The following PDZRN3 variants were observed in gnomAD, a reference collection of about 807,000 sequenced individuals.
The protein encoded by PDZRN3 is PDZ domain containing ring finger 3.
Under a neutral mutation model 85.7 loss-of-function variants are expected in PDZRN3, and 38 were observed. The ratio of observed to expected loss-of-function variants is 0.44; its 90% CI spans 0.34 to 0.58. The LOEUF is 0.58. PDZRN3 is among the 20% of genes least tolerant of loss of function. PDZRN3 has a pLI of 0.01. For missense variants in PDZRN3, 1,629 were observed against 1,506.4 expected, an observed-to-expected ratio of 1.08 and a Z score of -1.35; for synonymous variants, 759 against 638.0, an observed-to-expected ratio of 1.19 and a Z score of -2.86.
chr3:73,409,541 G>C (rs143710450), intron 3 of PDZRN3, among the ~76,000 whole-genome samples: 1 of 152,260 alleles, frequency 6.6e-6, no homozygotes, highest in African/African-American at 2.4e-5. Context: ...AGTTCTTGGA[G>C]GAAAAATGAA....
intron 1 of PDZRN3, chr3:73,623,752 C>G: frequency 9.7e-6 from 2 of 206,086 alleles, no homozygotes; most frequent in Non-Finnish European, 1.9e-5. Context: ...CCCGAGATCC[C>G]CTAGCTGGTC....
At chr3:73,522,915 C>A (rs529698672) in intron 3 of PDZRN3, among the ~76,000 whole-genome samples, 1 of 152,242 alleles carries the variant, frequency 6.6e-6, no homozygotes, top group South Asian at 2.1e-4. Context: ...TCACTCAAAC[C>A]TCAATGATGT....
chr3:73,516,077 C>A (rs1231935676), intron 3 of PDZRN3, among the ~76,000 whole-genome samples: 3 of 152,106 alleles, frequency 2.0e-5, no homozygotes, highest in African/African-American at 7.2e-5. Context: ...GGCTTCCTGC[C>A]GTATAGATGT....
At chr3:73,506,101 C>T (rs1704065739) in intron 3 of PDZRN3, among the ~76,000 whole-genome samples, 1 of 152,200 alleles carries the variant, frequency 6.6e-6, no homozygotes, top group African/African-American at 2.4e-5. Flanking sequence ...CTCATTATCT[C>T]TGCACTGAGA....
rs533448157 is a variant in PDZRN3, at chr3:73,617,786, A to G, written c.723+6317T>C. On this transcript the variant is annotated intron_variant, in intron 1 of 9. Coordinates refer to ENST00000263666, the MANE Select transcript of PDZRN3 (RefSeq NM_015009.3). The stretch of plus-strand genomic sequence containing the variant: ...CACGATCTGGTCTTGGCTCGCAGCA[A>G]CCTCTGCCTCCAGAGTTCAAGCAAT... 2.0e-5 allele frequency among the ~76,000 whole-genome samples: 3 copies of G among 152,182 alleles called. No homozygotes were observed. In the East Asian group the frequency reaches 5.8e-4, roughly 29 times the overall value.
At chr3:73,544,759 C>T (rs1214039931) in intron 3 of PDZRN3, among the ~76,000 whole-genome samples, 1 of 151,518 alleles carries the variant, frequency 6.6e-6, no homozygotes, top group African/African-American at 2.4e-5. Flanking sequence ...GCTATAAAAT[C>T]ATGTGCTTTT....
In PDZRN3 at chr3:73,404,248, T is replaced by G. The variant is rs766972701; in HGVS notation, c.1066A>C (p.Thr356Pro). ...TPPSESQLVDTGTQTDITFEH... is the reference protein window; with the variant it reads ...TPPSESQLVDPGTQTDITFEH... Reference sequence around the variant, plus strand: ...AAGGTGATGTCGGTTTGGGTTCCCGTGTCCACCAGCTGAGACTCTGATGGA... The same window carrying G: ...AAGGTGATGTCGGTTTGGGTTCCCGGGTCCACCAGCTGAGACTCTGATGGA... Residue 356 changes from threonine to proline, a missense_variant, in exon 4 of 10, where the codon ACG becomes CCG. Thr to Pro is a conservative substitution (Grantham distance 38). Transcript: ENST00000263666. The G allele has an allele frequency of 1.2e-6, 2 of 1,614,164 alleles. No homozygotes were observed. Among genetic ancestry groups the G allele is most frequent in the Non-Finnish European group, 1.7e-6 (2 of 1,180,028 alleles).
chr3:73,603,428 C>T (rs1702545965), intron 2 of PDZRN3, among the ~76,000 whole-genome samples: 2 of 152,196 alleles, frequency 1.3e-5, no homozygotes, highest in Admixed American at 6.5e-5. Context: ...TCTTTTCAAA[C>T]AGCACTGCAA....
At chr3:73,492,102 A>G (rs1213594781) in intron 3 of PDZRN3, among the ~76,000 whole-genome samples, 1 of 152,212 alleles carries the variant, frequency 6.6e-6, no homozygotes, top group Non-Finnish European at 1.5e-5. Context: ...AGTTTCAACT[A>G]GTGCTTCTCA....
intron 3 of PDZRN3, among the ~76,000 whole-genome samples, chr3:73,412,587 A>G (rs935490975): frequency 3.9e-5 from 6 of 152,174 alleles, no homozygotes; most frequent in African/African-American, 1.4e-4. Context: ...TCAAGGTGCA[A>G]AGCTTTGGGT....
intron 3 of PDZRN3, among the ~76,000 whole-genome samples, chr3:73,530,007 CCAT>C (rs1251679248): frequency 1.3e-5 from 2 of 152,142 alleles, no homozygotes; most frequent in Admixed American, 6.5e-5. Flanking sequence ...TTAGCTGTCA[CCAT>C]CATCATCATC....
intron 3 of PDZRN3, among the ~76,000 whole-genome samples, chr3:73,491,760 T>C (rs377545161): frequency 7.9e-4 from 120 of 151,600 alleles, no homozygotes; most frequent in African/African-American, 2.7e-3. Flanking sequence ...TGTGTATGGC[T>C]AATATTTAAC....
At chr3:73,445,441 A>G (rs1307989725) in intron 3 of PDZRN3, among the ~76,000 whole-genome samples, 1 of 151,994 alleles carries the variant, frequency 6.6e-6, no homozygotes, top group Non-Finnish European at 1.5e-5. Context: ...AAGACACTTG[A>G]GAAAAACAAA....
intron 3 of PDZRN3, among the ~76,000 whole-genome samples, chr3:73,536,019 T>C (rs1319920530): frequency 6.6e-6 from 1 of 152,208 alleles, no homozygotes; most frequent in African/African-American, 2.4e-5. Flanking sequence ...CCTTAACACA[T>C]ACAAACAATA....
intron 3 of PDZRN3, among the ~76,000 whole-genome samples, chr3:73,431,098 G>A (rs1255620764): frequency 1.3e-5 from 2 of 152,188 alleles, no homozygotes. Context: ...TAGGCAGGAG[G>A]CTTCCTCCCT....
In PDZRN3 at chr3:73,608,610, G is replaced by C. The variant is rs1409294231; in HGVS notation, c.798C>G (p.Gly266=). Residue 266 remains glycine, a synonymous_variant, in exon 2 of 10, where the codon GGC becomes GGG. Coordinates refer to ENST00000263666, the MANE Select transcript of PDZRN3 (RefSeq NM_015009.3). ...SGSLGFNIIG[G]RPSVDNHDGS... The stretch of plus-strand genomic sequence containing the variant: ...GTAATTAACATACCACACTCGGCCG[G>C]CCACCAATAATATTGAATCCCAGGG... 1.2e-6 allele frequency: 2 copies of C among 1,609,414 alleles called. No homozygotes were observed. The highest frequency in any genetic ancestry group is 1.7e-6 in the Non-Finnish European group (2 of 1,176,260).
intron 3 of PDZRN3, among the ~76,000 whole-genome samples, chr3:73,584,061 C>A (rs1213060499): frequency 6.8e-6 from 1 of 146,008 alleles, no homozygotes; most frequent in Non-Finnish European, 1.5e-5. Flanking sequence ...CCTTCCAATG[C>A]CAGGGCAGTT....
intron 3 of PDZRN3, among the ~76,000 whole-genome samples, chr3:73,409,055 A>C (rs1248483540): frequency 6.6e-6 from 1 of 152,234 alleles, no homozygotes; most frequent in Non-Finnish European, 1.5e-5. Flanking sequence ...GTTTTGGAAC[A>C]AGAAATGCTG....
intron 3 of PDZRN3, among the ~76,000 whole-genome samples, chr3:73,531,228 G>A (rs74830728): frequency 7.0e-6 from 1 of 142,208 alleles, no homozygotes; most frequent in Non-Finnish European, 1.5e-5. Context: ...TCCAGCCTGG[G>A]TGACAGAGCG....
Sources: gnomAD v4.1 joint callset for allele counts (sites outside exome capture counted in the v4.1 genomes callset) on GRCh38, gnomAD v4.1.1 for gene constraint, MANE v1.5 for transcripts, NCBI Gene and HGNC (gene_info 2026-07-23, HGNC 2026-07-21) for gene names.